Variants in ZC3H12B observed in about 807,000 individuals in gnomAD.
ZC3H12B encodes zinc finger CCCH-type containing 12B.
In ZC3H12B, 7 loss-of-function variants were observed where a neutral mutation model predicts 43.9. The ratio of observed to expected loss-of-function variants is 0.16; its 90% CI spans 0.09 to 0.30. ZC3H12B has a LOEUF of 0.30. ZC3H12B is among the 10% of genes least tolerant of loss of function. ZC3H12B has a pLI of 1.00. For missense variants in ZC3H12B, 475 were observed against 670.2 expected, an observed-to-expected ratio of 0.71 and a Z score of 3.22; for synonymous variants, 222 against 241.7, an observed-to-expected ratio of 0.92 and a Z score of 0.76.
chrX:65,137,494 T>G, the ZC3H12B span, among the ~76,000 whole-genome samples: 44 of 112,226 alleles, frequency 3.9e-4, no homozygotes, highest in African/African-American at 1.4e-3. Context: ...TAACCTAGAA[T>G]AAAATATAAC....
the ZC3H12B span, among the ~76,000 whole-genome samples, chrX:65,263,933 A>T: frequency 1.8e-5 from 2 of 111,666 alleles, no homozygotes; most frequent in African/African-American, 6.5e-5. Flanking sequence ...ACCAATGAGC[A>T]GAAAAAGAAA....
chrX:65,429,665 C>T (rs2067129065), intron 3 of ZC3H12B, among the ~76,000 whole-genome samples: 1 of 112,135 alleles, frequency 8.9e-6, no homozygotes, highest in Non-Finnish European at 1.9e-5. Context: ...CATGAGACCA[C>T]CCGTCTCTTT....
chrX:65,323,174 A>G, the ZC3H12B span, among the ~76,000 whole-genome samples: 1 of 112,299 alleles, frequency 8.9e-6, no homozygotes, highest in Admixed American at 9.4e-5. Context: ...AAGGACTTCC[A>G]ATACTGTGTT....
At chrX:65,065,086 T>C in the ZC3H12B span, among the ~76,000 whole-genome samples, 1 of 111,306 alleles carries the variant, frequency 9.0e-6, no homozygotes, top group South Asian at 3.8e-4. Flanking sequence ...GGGTTTTGAC[T>C]CTTTATCCAG....
the ZC3H12B span, among the ~76,000 whole-genome samples, chrX:65,077,236 G>C: frequency 9.0e-6 from 1 of 111,694 alleles, no homozygotes; most frequent in African/African-American, 3.3e-5. Context: ...GGGCTACCGG[G>C]TGTCATTGAG....
At chrX:65,188,827 G>A in the ZC3H12B span, among the ~76,000 whole-genome samples, 2 of 104,337 alleles carry the variant, frequency 1.9e-5, no homozygotes. Flanking sequence ...TTAAGTTTTA[G>A]GGTACATGTG....
At chrX:65,380,396 C>T (rs940467353) in intron 2 of ZC3H12B, among the ~76,000 whole-genome samples, 2 of 111,258 alleles carry the variant, frequency 1.8e-5, no homozygotes, top group African/African-American at 6.5e-5. Flanking sequence ...ACTTTACAGA[C>T]AAGCAAATGC....
intron 2 of ZC3H12B, among the ~76,000 whole-genome samples, chrX:65,389,393 C>T (rs984673286): frequency 8.9e-6 from 1 of 112,483 alleles, no homozygotes; most frequent in Non-Finnish European, 1.9e-5. Context: ...GACTGCTGTG[C>T]TAGCAGTGAG....
At chrX:65,391,304 A>G (rs2066612965) in intron 2 of ZC3H12B, among the ~76,000 whole-genome samples, 1 of 112,490 alleles carries the variant, frequency 8.9e-6, no homozygotes, top group Admixed American at 9.4e-5. Context: ...TAATTTTCTG[A>G]CATAAAAAAT....
the ZC3H12B span, among the ~76,000 whole-genome samples, chrX:65,346,875 C>T: frequency 8.9e-6 from 1 of 112,393 alleles, no homozygotes; most frequent in East Asian, 2.8e-4. Context: ...GTGGGTGCAG[C>T]TTCAGCAGAC....
the ZC3H12B span, among the ~76,000 whole-genome samples, chrX:65,183,278 G>T: frequency 8.9e-6 from 1 of 111,985 alleles, no homozygotes; most frequent in Non-Finnish European, 1.9e-5. Flanking sequence ...CATGGATGGA[G>T]TTGGGTACTA....
chrX:65,337,677 T>C, the ZC3H12B span, among the ~76,000 whole-genome samples: 1 of 112,663 alleles, frequency 8.9e-6, no homozygotes, highest in African/African-American at 3.2e-5. Flanking sequence ...ACTAGAAGGG[T>C]ATTGATAGCG....
chrX:65,112,698 C>T, the ZC3H12B span, among the ~76,000 whole-genome samples: 4 of 111,546 alleles, frequency 3.6e-5, no homozygotes, highest in Non-Finnish European at 7.6e-5. Flanking sequence ...TATTTTAAGC[C>T]CACTGTTGAG....
the ZC3H12B span, among the ~76,000 whole-genome samples, chrX:65,157,513 A>T: frequency 4.2e-4 from 47 of 111,771 alleles, no homozygotes; most frequent in East Asian, 3.6e-3. Flanking sequence ...TAATATAGCT[A>T]CACCAGCTTT....
chrX:65,433,224 G>A (rs1479220827), intron 3 of ZC3H12B, among the ~76,000 whole-genome samples: 4 of 112,307 alleles, frequency 3.6e-5, no homozygotes, highest in Non-Finnish European at 5.6e-5. Context: ...TCCTGGATTC[G>A]TCTGTCTTCT....
At chrX:65,400,184 A>C (rs1270458149) in intron 3 of ZC3H12B, among the ~76,000 whole-genome samples, 2 of 111,925 alleles carry the variant, frequency 1.8e-5, no homozygotes, top group African/African-American at 6.5e-5. Context: ...AATAAAAAAT[A>C]CCAAAGCATC....
At chrX:65,224,361 G>A in the ZC3H12B span, among the ~76,000 whole-genome samples, 1 of 112,375 alleles carries the variant, frequency 8.9e-6, no homozygotes. Context: ...TGGGTGATGG[G>A]TTCCCCAAAA....
At chrX:65,227,964 A>T in the ZC3H12B span, among the ~76,000 whole-genome samples, 2 of 111,455 alleles carry the variant, frequency 1.8e-5, no homozygotes, top group African/African-American at 3.3e-5. Flanking sequence ...ACAAGGAGGA[A>T]CTGGTACCAT....
chrX:65,449,684 G>A (rs1188130399), intron 3 of ZC3H12B, among the ~76,000 whole-genome samples: 3 of 111,159 alleles, frequency 2.7e-5, no homozygotes, highest in Middle Eastern at 4.2e-3. Flanking sequence ...AAATGAGAAT[G>A]AAAAAATGTC....
Sources: allele counts gnomAD v4.1 joint callset (sites outside exome capture counted in the v4.1 genomes callset), GRCh38; gene constraint gnomAD v4.1.1; transcripts MANE v1.5; gene names NCBI Gene and HGNC (gene_info 2026-07-23, HGNC 2026-07-21).